The following SREK1IP1 variants were observed in gnomAD, a reference collection of about 807,000 sequenced individuals.
The protein encoded by SREK1IP1 is protein SREK1IP1.
A neutral mutation model predicts 22.8 loss-of-function variants in SREK1IP1; 12 were observed. That is an observed-to-expected ratio of 0.53 (90% CI 0.34 to 0.85). The LOEUF is 0.85. Among genes scored for constraint, SREK1IP1 ranks in the 40% least tolerant of loss-of-function variants. The probability of loss-of-function intolerance (pLI) is 0.02; values close to 1 mark genes in which losing one functional copy is unlikely to be tolerated. For missense variants in SREK1IP1, 147 were observed against 171.8 expected, an observed-to-expected ratio of 0.86 and a Z score of 0.81; for synonymous variants, 53 against 52.7, an observed-to-expected ratio of 1.01 and a Z score of -0.02.
intron 1 of SREK1IP1, among the ~76,000 whole-genome samples, chr5:64,763,722 GGTATA>G (rs1357715903): frequency 6.6e-6 from 1 of 152,052 alleles, no homozygotes. Flanking sequence ...ACCTATGATG[GGTATA>G]ACTTTGAACT....
At position 64,761,480 on chromosome 5, in the gene SREK1IP1, C is replaced by T. The variant is rs546669860; in HGVS notation, c.13+7025G>A. Among the ~76,000 whole-genome samples the T allele has an allele frequency of 4.6e-5, 7 of 152,266 alleles. No homozygotes were observed. In the East Asian group the frequency reaches 1.4e-3, roughly 29 times the overall value. ...CTGGGTGATATAGCCTGCTATACAC[C>T]TAGGCTATATGGTATAGCCTACTGC... On this transcript the variant is annotated intron_variant, in intron 1 of 4. Transcript: ENST00000513458.
intron 2 of SREK1IP1, among the ~76,000 whole-genome samples, chr5:64,742,253 G>A (rs1312622942): frequency 6.6e-6 from 1 of 151,966 alleles, no homozygotes; most frequent in African/African-American, 2.4e-5. Context: ...GCTTCCAGTA[G>A]TTTGCTATTA....
Position 64,722,394 on chromosome 5 carries a change from T to C in SREK1IP1, c.*1990A>G, listed in dbSNP as rs147932429. ...ATTAACTATTTCACTACAATTACTA[T>C]CATTTTTAACTATCTTACTCAATGG... On this transcript the variant is annotated 3_prime_UTR_variant, in exon 5 of 5. Transcript: ENST00000513458. The C allele has an allele frequency of 1.3e-5, 2 of 152,314 alleles. No homozygotes were observed. The highest frequency in any genetic ancestry group is 2.9e-5 in the Non-Finnish European group (2 of 68,020). 9.4% of individuals were successfully genotyped at this position (152,314 alleles called of 1,614,324 possible).
Position 64,719,182 on chromosome 5 carries a change from C to G in SREK1IP1, c.*5202G>C, listed in dbSNP as rs1391151011. ...TGGCTACTGAACACTTAAGATGTGG[C>G]TAATGCAACTGAAAAAATAAAATTT... On this transcript the variant is annotated 3_prime_UTR_variant, in exon 5 of 5. Transcript: ENST00000513458. The G allele has an allele frequency of 6.6e-6, 1 of 152,056 alleles. No individual in the cohort carries two copies. The highest frequency in any genetic ancestry group is 2.4e-5 in the African/African-American group (1 of 41,410). The allele number at this position is 152,056 out of a possible 1,614,324, so 9.4% of individuals were successfully genotyped here.
chr5:64,725,324 C>A (rs1020388844), intron 4 of SREK1IP1, among the ~76,000 whole-genome samples: 3 of 152,000 alleles, frequency 2.0e-5, no homozygotes, highest in East Asian at 3.9e-4. Context: ...CTTTTAAGAT[C>A]TTACTTAAAG....
At chr5:64,759,683 G>GA (rs1302704618) in intron 1 of SREK1IP1, among the ~76,000 whole-genome samples, 1 of 151,884 alleles carries the variant, frequency 6.6e-6, no homozygotes, top group Admixed American at 6.6e-5. Context: ...TAACCAACAG[G>GA]AAAAAAATGG....
At chr5:64,747,761 T>C (rs1742665491) in intron 2 of SREK1IP1, among the ~76,000 whole-genome samples, 2 of 151,918 alleles carry the variant, frequency 1.3e-5, no homozygotes, top group South Asian at 4.1e-4. Flanking sequence ...ACCTCGTCTA[T>C]ACTAAAAATA....
chr5:64,754,355 G>C lies in SREK1IP1; in HGVS notation c.21C>G (p.Asn7Lys), dbSNP rs1742801068. ...TACAGCCTGCTCTGACACTGTCCTT[G>C]TTGCAACCTGAAATACAATTGGATA... MAVPGC[N>K]KDSVRAGCKK... Residue 7 changes from asparagine to lysine, a missense_variant, in exon 2 of 5, where the codon AAC becomes AAG. Coordinates refer to ENST00000513458, the MANE Select transcript of SREK1IP1 (RefSeq NM_173829.4). The C allele has an allele frequency of 6.2e-7, 1 of 1,613,480 alleles. No homozygotes were observed. The highest frequency in any genetic ancestry group is 8.5e-7 in the Non-Finnish European group (1 of 1,179,670).
At chr5:64,762,788 A>G (rs1412545396) in intron 1 of SREK1IP1, among the ~76,000 whole-genome samples, 1 of 152,206 alleles carries the variant, frequency 6.6e-6, no homozygotes, top group African/African-American at 2.4e-5. Context: ...GTGGTGGCTC[A>G]CACCTGTAAT....
intron 3 of SREK1IP1, among the ~76,000 whole-genome samples, chr5:64,729,722 G>C (rs758348679): frequency 6.6e-6 from 1 of 152,146 alleles, no homozygotes; most frequent in Non-Finnish European, 1.5e-5. Flanking sequence ...ATGTGTGTGC[G>C]AAGGATGATG....
Position 64,741,138 on chromosome 5 carries a change from A to T in SREK1IP1, c.124T>A (p.Leu42Met). ...TCACTACTTGTACTGCTGACATCCA[A>T]AACTATGTCCCTTTTAGGGTCTACT... ...LRVDPKRDIV[L>M]DVSSTSSEDS... Residue 42 changes from leucine to methionine, a missense_variant, in exon 3 of 5, where the codon TTG (leucine) becomes ATG (methionine). Leu to Met is a conservative substitution (Grantham distance 15). Coordinates refer to ENST00000513458, the MANE Select transcript of SREK1IP1 (RefSeq NM_173829.4). The T allele has an allele frequency of 6.2e-7, 1 of 1,612,936 alleles. No individual in the cohort carries two copies. The highest frequency in any genetic ancestry group is 8.5e-7 in the Non-Finnish European group (1 of 1,179,324).
Position 64,724,368 on chromosome 5 carries a change from T to C in SREK1IP1, c.*16A>G. 1 of 1,514,780 alleles carries C rather than the reference T, an allele frequency of 6.6e-7. No homozygotes were observed. The highest frequency in any genetic ancestry group is 8.8e-7 in the Non-Finnish European group (1 of 1,136,988). The allele number at this position is 1,514,780 out of a possible 1,614,324, so 93.8% of individuals were successfully genotyped here. ...AAACAAATTTTTAAATTTAACGGCTTAAGCCAAAGTCTCAGTTACTTTCTG... is the reference window on the plus strand; with the variant it reads ...AAACAAATTTTTAAATTTAACGGCTCAAGCCAAAGTCTCAGTTACTTTCTG... On this transcript the variant is annotated 3_prime_UTR_variant, in exon 5 of 5. Transcript: ENST00000513458.
At position 64,721,680 on chromosome 5, in the gene SREK1IP1, A is replaced by T. The variant is rs1221598775; in HGVS notation, c.*2704T>A. 1.3e-5 allele frequency: 2 copies of T among 152,126 alleles called. No homozygotes were observed. The highest frequency in any genetic ancestry group is 2.9e-5 in the Non-Finnish European group (2 of 67,998). The allele number at this position is 152,126 out of a possible 1,614,324, so 9.4% of individuals were successfully genotyped here. A position where few individuals can be genotyped will look rare whatever the true frequency, so the allele number is the denominator to read the frequency against. On this transcript the variant is annotated 3_prime_UTR_variant, in exon 5 of 5. Transcript: ENST00000513458. Reference sequence around the variant, plus strand: ...AGTTCCAGATGCAAACCTAAATATAAATTCTGCCTGCATTTGGTGAAAATG... The same window carrying T: ...AGTTCCAGATGCAAACCTAAATATATATTCTGCCTGCATTTGGTGAAAATG...
intron 2 of SREK1IP1, among the ~76,000 whole-genome samples, chr5:64,752,239 C>T (rs7728247): frequency 0.05 from 7,441 of 149,890 alleles, 526 homozygotes; most frequent in African/African-American, 0.16. Flanking sequence ...GCAAACTCCA[C>T]CTCCCGGGTT....
At chr5:64,749,101 AAT>A (rs1561389105) in intron 2 of SREK1IP1, among the ~76,000 whole-genome samples, 2 of 144,058 alleles carry the variant, frequency 1.4e-5, no homozygotes, top group East Asian at 4.0e-4. Flanking sequence ...TAATAATAAT[AAT>A]AATAAAAACC....
At chr5:64,737,379 T>C (rs537745583) in intron 3 of SREK1IP1, among the ~76,000 whole-genome samples, 8 of 149,680 alleles carry the variant, frequency 5.3e-5, no homozygotes, top group African/African-American at 2.0e-4. Flanking sequence ...TAAAAAAAAC[T>C]TGAGATAAAT....
At chr5:64,732,086 T>C (rs909239895) in intron 3 of SREK1IP1, among the ~76,000 whole-genome samples, 1 of 152,238 alleles carries the variant, frequency 6.6e-6, no homozygotes, top group Non-Finnish European at 1.5e-5. Context: ...ATTTCTAGTA[T>C]CCACGATTTT....
At chr5:64,754,255 C>A in intron 2 of SREK1IP1, 60 bp downstream of exon 2, 1 of 1,536,030 alleles carries the variant, frequency 6.5e-7, no homozygotes. Context: ...TTATATTGCC[C>A]AAAGAGGCCA....
At position 64,755,203 on chromosome 5, in the gene SREK1IP1, T is replaced by C. The variant is rs563912186; in HGVS notation, c.14-841A>G. ...ACTATCATTCGACCCAGCAATTCCATTACTGGGTATATATCCAAAAAAAAA... is the reference window on the plus strand; with the variant it reads ...ACTATCATTCGACCCAGCAATTCCACTACTGGGTATATATCCAAAAAAAAA... On this transcript the variant is annotated intron_variant, in intron 1 of 4. Coordinates refer to ENST00000513458, the MANE Select transcript of SREK1IP1 (RefSeq NM_173829.4). Among the ~76,000 whole-genome samples the C allele has an allele frequency of 2.0e-5, 3 of 148,008 alleles. No homozygotes were observed. In the South Asian group the frequency reaches 6.5e-4, roughly 32 times the overall value.
Sources: gnomAD v4.1 joint callset for allele counts (sites outside exome capture counted in the v4.1 genomes callset) on GRCh38, gnomAD v4.1.1 for gene constraint, MANE v1.5 for transcripts, NCBI Gene and HGNC (gene_info 2026-07-23, HGNC 2026-07-21) for gene names.